The following LAMA3 variants were observed in gnomAD, a reference collection of about 807,000 sequenced individuals.
LAMA3 encodes laminin subunit alpha-3.
Under a neutral mutation model 402.0 loss-of-function variants are expected in LAMA3, and 281 were observed. The observed-to-expected ratio is 0.70, with a 90% CI of 0.63 to 0.77. The LOEUF (loss-of-function observed/expected upper bound fraction) is 0.77, where lower values mean the gene tolerates loss of function less well. Among genes scored for constraint, LAMA3 ranks in the 30% least tolerant of loss-of-function variants. The pLI is 0.00. For missense variants in LAMA3, 3,840 were observed against 4,215.5 expected (o/e 0.91, Z 2.47); for synonymous variants, 1,431 against 1,558.4 (o/e 0.92, Z 1.93).
At chr18:23,822,593 T>A (rs1001279540) in intron 20 of LAMA3, among the ~76,000 whole-genome samples, 3 of 152,236 alleles carry the variant, frequency 2.0e-5, no homozygotes, top group Non-Finnish European at 2.9e-5. Flanking sequence ...ACTGTCATTT[T>A]AAAAATCGAT....
In LAMA3 at chr18:23,950,111, C is replaced by T. The variant is rs879842580; in HGVS notation, c.9594C>T (p.Ile3198=). ...PRSLTGILIH[I]GSQPGKHLCV... is the part of the protein sequence containing the mutation. ...GTCTCACTGGGATCCTAATACACAT[C>T]GGAAGTCAGCCCGGGAAGCACTTAT... The change falls in exon 72 of 75, where the codon ATC becomes ATT. Residue 3198 remains isoleucine (I), a synonymous_variant. Transcript: ENST00000313654. The T allele has an allele frequency of 3.1e-6, 5 of 1,613,940 alleles. No homozygotes were observed. Among genetic ancestry groups the T allele is most frequent in the African/African-American group, 1.3e-5 (1 of 74,864 alleles).
chr18:23,711,800 A>T (rs1158633111), intron 1 of LAMA3, among the ~76,000 whole-genome samples: 5 of 152,196 alleles, frequency 3.3e-5, no homozygotes, highest in Admixed American at 6.5e-5. Context: ...TCTTCATCTT[A>T]ATTATTATTA....
chr18:23,755,475 T>A (rs1004648453), intron 6 of LAMA3, among the ~76,000 whole-genome samples: 1 of 152,180 alleles, frequency 6.6e-6, no homozygotes, highest in Non-Finnish European at 1.5e-5. Flanking sequence ...GCTGATGAAA[T>A]CCACATCCAT....
chr18:23,897,486 G>C (rs1037640702), intron 44 of LAMA3, among the ~76,000 whole-genome samples: 2 of 152,242 alleles, frequency 1.3e-5, no homozygotes, highest in African/African-American at 4.8e-5. Context: ...CTGCACACAC[G>C]CTGTTTGCCA....
rs754390938 is a variant in LAMA3, at chr18:23,864,818, G to A, written c.4618G>A (p.Ala1540Thr). The A allele has an allele frequency of 9.9e-6, 16 of 1,613,380 alleles. No individual in the cohort carries two copies. The African/African-American group carries it at 1.7e-4, about 18-fold the overall frequency. The change falls in exon 36 of 75, where the codon GCC becomes ACC. Residue 1540 changes from alanine to threonine, a missense_variant. This residue lies in a region of LAMA3 where 2,109 missense variants were observed against 2,376.0 expected (regional missense o/e 0.89). Transcript: ENST00000313654. ...ATATGGTGGTTACCTCACTTACCAA[G>A]CCAAGTCCTTTGGCTTGCCTGGCGA... ...SSYGGYLTYQ[A>T]KSFGLPGDMV... is the part of the protein sequence containing the mutation.
intron 8 of LAMA3, among the ~76,000 whole-genome samples, chr18:23,764,462 G>A (rs1314097349): frequency 2.0e-5 from 3 of 152,248 alleles, no homozygotes; most frequent in Non-Finnish European, 4.4e-5. Context: ...TGGATGAAAG[G>A]TCAAGCCCCT....
At chr18:23,814,701 G>C (rs2063142377) in intron 15 of LAMA3, among the ~76,000 whole-genome samples, 199 bp downstream of exon 15, 1 of 152,108 alleles carries the variant, frequency 6.6e-6, no homozygotes, top group Admixed American at 6.5e-5. Context: ...TTTCTATCCT[G>C]TTTCTGTATG....
At chr18:23,707,407 C>T (rs1280750422) in intron 1 of LAMA3, among the ~76,000 whole-genome samples, 1 of 152,172 alleles carries the variant, frequency 6.6e-6, no homozygotes, top group Non-Finnish European at 1.5e-5. Flanking sequence ...TTGAATGTCC[C>T]AGAATGACAC....
chr18:23,718,614 A>T (rs1003108481), intron 2 of LAMA3, among the ~76,000 whole-genome samples: 6 of 152,208 alleles, frequency 3.9e-5, no homozygotes, highest in African/African-American at 1.4e-4. Context: ...CCTGCTCTGC[A>T]GGGCTGCGGG....
At chr18:23,929,745 A>T (rs141714597) in intron 64 of LAMA3, among the ~76,000 whole-genome samples, 14 of 152,356 alleles carry the variant, frequency 9.2e-5, no homozygotes, top group Non-Finnish European at 2.1e-4. Context: ...GCACATGCTA[A>T]CACTTAGACT....
chr18:23,738,775 G>T (rs2061518074), intron 2 of LAMA3, among the ~76,000 whole-genome samples: 1 of 152,230 alleles, frequency 6.6e-6, no homozygotes, highest in South Asian at 2.1e-4. Context: ...GCCACTTCCA[G>T]AAAGAATTCT....
At chr18:23,784,737 A>G (rs1213106122) in intron 12 of LAMA3, among the ~76,000 whole-genome samples, 1 of 152,240 alleles carries the variant, frequency 6.6e-6, no homozygotes, top group Non-Finnish European at 1.5e-5. Context: ...CATGGCAGGT[A>G]TGCACTCAAT....
At position 23,770,440 on chromosome 18, in the gene LAMA3, A is replaced by G. The variant is rs544832474; in HGVS notation, c.1183-3057A>G. On this transcript the variant is annotated intron_variant, in intron 8 of 74. Transcript: ENST00000313654. Reference sequence around the variant, plus strand: ...GAATAGCTACTTGACAAAAGTAGATATATAAATGGCCAATAAATGTACATC... The same window carrying G: ...GAATAGCTACTTGACAAAAGTAGATGTATAAATGGCCAATAAATGTACATC... 2.0e-5 allele frequency among the ~76,000 whole-genome samples: 3 copies of G among 152,250 alleles called. No homozygotes were observed. The South Asian group carries it at 6.2e-4, about 32-fold the overall frequency.
chr18:23,951,274 C>T, intron 72 of LAMA3, among the ~76,000 whole-genome samples: 1 of 152,160 alleles, frequency 6.6e-6, no homozygotes, highest in East Asian at 1.9e-4. Context: ...GTTGGCTGGC[C>T]CTTGCAGCAG....
chr18:23,705,135 T>C (rs566629476), intron 1 of LAMA3, among the ~76,000 whole-genome samples: 1 of 152,192 alleles, frequency 6.6e-6, no homozygotes, highest in Admixed American at 6.5e-5. Flanking sequence ...TATCTTTCAG[T>C]GTTCTCATCT....
chr18:23,699,325 AC>A lies in LAMA3; in HGVS notation c.294+9351del, dbSNP rs552514414. Among the ~76,000 whole-genome samples the A allele has an allele frequency of 5.1e-3, 783 of 152,314 alleles. 8 individuals are homozygous for A. Among genetic ancestry groups the A allele is most frequent in the African/African-American group, 0.018 (751 of 41,570 alleles). On this transcript the variant is annotated intron_variant, in intron 1 of 74. Transcript: ENST00000313654. ...TCACTTTATTTTTGTATGTATTGAT[AC>A]CCTTTCTGGTCCTCAAAAATATTTA...
chr18:23,804,385 C>T (rs1356878508), intron 12 of LAMA3, among the ~76,000 whole-genome samples: 1 of 152,222 alleles, frequency 6.6e-6, no homozygotes, highest in Non-Finnish European at 1.5e-5. Flanking sequence ...GGGACTCACA[C>T]TACTGGACCC....
Position 23,916,688 on chromosome 18 carries a change from A to G in LAMA3, c.7916A>G (p.Glu2639Gly), listed in dbSNP as rs149306119. The stretch of plus-strand genomic sequence containing the variant: ...GATAGAGGCTTGCTGTTCTTTGCAG[A>G]AAACGGGGTAATCTATAACAAGCAT... Reference protein sequence around the residue: ...TVDRGLLFFAENGDRFISLNI... With the variant: ...TVDRGLLFFAGNGDRFISLNI... The change falls in exon 60 of 75, where the codon GAA becomes GGA. Residue 2639 changes from glutamate to glycine, a missense_variant. Glu to Gly is a moderately conservative substitution (Grantham distance 98). This residue lies in a region of LAMA3 where 840 missense variants were observed against 981.9 expected (regional missense o/e 0.86). Transcript: ENST00000313654. The G allele has an allele frequency of 1.7e-4, 272 of 1,614,154 alleles. No homozygotes were observed. The highest frequency in any genetic ancestry group is 8.2e-4 in the Middle Eastern group (5 of 6,062).
At chr18:23,758,320 A>G in intron 6 of LAMA3, 76 bp from the exon 7 acceptor site, 2 of 1,002,148 alleles carry the variant, frequency 2.0e-6, no homozygotes, top group Non-Finnish European at 3.1e-6. Context: ...CTCGTGTGTC[A>G]GGTTCGCACT....
Sources: allele counts gnomAD v4.1 joint callset (sites outside exome capture counted in the v4.1 genomes callset), GRCh38; gene constraint gnomAD v4.1.1; regional missense constraint gnomAD v4.1.1; transcripts MANE v1.5; gene names NCBI Gene and HGNC (gene_info 2026-07-23, HGNC 2026-07-21).